Variants in DGKB observed in about 807,000 individuals in gnomAD.
DGKB encodes 90 kDa diacylglycerol kinase.
Under a neutral mutation model 114.3 loss-of-function variants are expected in DGKB, and 67 were observed. That is an observed-to-expected ratio of 0.59 (90% confidence interval 0.48 to 0.72). The LOEUF (loss-of-function observed/expected upper bound fraction) is 0.72. DGKB is among the 30% of genes least tolerant of loss of function. DGKB has a pLI of 0.00. For synonymous variants in DGKB, 398 were observed against 323.1 expected, an observed-to-expected ratio of 1.23 and a Z score of -2.49; for missense variants, 907 against 975.2, an observed-to-expected ratio of 0.93 and a Z score of 0.93.
chr7:14,609,163 AC>A (rs911183761), intron 16 of DGKB, among the ~76,000 whole-genome samples: 53 of 151,948 alleles, frequency 3.5e-4, no homozygotes, highest in Non-Finnish European at 1.3e-4. Flanking sequence ...GGCTACAGTA[AC>A]AAAAACTGCA....
chr7:14,416,694 G>A (rs1825781788), intron 21 of DGKB, among the ~76,000 whole-genome samples: 1 of 152,010 alleles, frequency 6.6e-6, no homozygotes, highest in Admixed American at 6.6e-5. Context: ...GCCACGTAAG[G>A]CCTTCCCAGC....
intron 20 of DGKB, among the ~76,000 whole-genome samples, chr7:14,488,846 A>C (rs1784205151): frequency 2.0e-5 from 2 of 99,548 alleles, no homozygotes; most frequent in African/African-American, 9.0e-5. Flanking sequence ...AAAAAACAAA[A>C]AAAAACAAAA....
chr7:14,610,676 C>G (rs1037626797), intron 16 of DGKB, among the ~76,000 whole-genome samples: 1 of 151,936 alleles, frequency 6.6e-6, no homozygotes, highest in Non-Finnish European at 1.5e-5. Context: ...GTTCTCAATA[C>G]CCTCTTTTCC....
At position 14,410,028 on chromosome 7, in the gene DGKB, G is replaced by C. The variant is rs1021869969; in HGVS notation, c.1836-64637C>G. On this transcript the variant is annotated intron_variant, in intron 21 of 25. Transcript: ENST00000402815. ...AGTTAAATTTGGGAGGGATTCAAAAGTTAAAGATAGATTTTTGACTGTGTA... is the reference window on the plus strand; with the variant it reads ...AGTTAAATTTGGGAGGGATTCAAAACTTAAAGATAGATTTTTGACTGTGTA... Among the ~76,000 whole-genome samples the C allele has an allele frequency of 3.3e-5, 5 of 151,988 alleles. No individual in the cohort carries two copies. The East Asian group carries it at 9.6e-4, about 29-fold the overall frequency.
At chr7:14,807,136 A>G (rs901111447) in intron 2 of DGKB, among the ~76,000 whole-genome samples, 7 of 151,882 alleles carry the variant, frequency 4.6e-5, no homozygotes, top group African/African-American at 1.7e-4. Flanking sequence ...GGTATTTTTC[A>G]GTTAAGTCTA....
At chr7:14,306,052 G>T (rs1804413860) in intron 23 of DGKB, among the ~76,000 whole-genome samples, 1 of 150,648 alleles carries the variant, frequency 6.6e-6, no homozygotes, top group African/African-American at 2.5e-5. Context: ...AAATCTAAGT[G>T]ATTTTTTTTC....
At chr7:14,945,870 A>T (rs1785844376) in intron 1 of DGKB, among the ~76,000 whole-genome samples, 1 of 151,642 alleles carries the variant, frequency 6.6e-6, no homozygotes, top group South Asian at 2.1e-4. Context: ...AAATTAAAAA[A>T]TTTTATTTAT....
intron 9 of DGKB, among the ~76,000 whole-genome samples, chr7:14,687,758 A>G (rs745515416): frequency 1.8e-4 from 28 of 152,170 alleles, no homozygotes; most frequent in Admixed American, 8.5e-4. Flanking sequence ...TTGTCGTTTT[A>G]TTTTTAAATG....
intron 2 of DGKB, among the ~76,000 whole-genome samples, chr7:14,835,531 T>C (rs1847032008): frequency 6.6e-6 from 1 of 152,172 alleles, no homozygotes; most frequent in Non-Finnish European, 1.5e-5. Context: ...AGGGTAATTA[T>C]CAATAAGTGG....
intron 1 of DGKB, among the ~76,000 whole-genome samples, chr7:14,931,513 A>T (rs939184011): frequency 6.6e-6 from 1 of 152,014 alleles, no homozygotes; most frequent in African/African-American, 2.4e-5. Context: ...TGGTATCTAG[A>T]TAGGGGGAGT....
chr7:14,699,702 A>G lies in DGKB; in HGVS notation c.517-1533T>C, dbSNP rs1824760181. Among the ~76,000 whole-genome samples, 4 of 152,338 alleles carry G rather than the reference A, an allele frequency of 2.6e-5. No homozygotes were observed. In the South Asian group the frequency reaches 8.3e-4, roughly 32 times the overall value. ...TCAGAAGGTACAATTTAAACCTGAC[A>G]GCGAAGGAAAAATATTGGAGTAGTA... On this transcript the variant is annotated intron_variant, in intron 7 of 25. Transcript: ENST00000402815.
chr7:14,610,732 G>T (rs1055591181), intron 16 of DGKB, among the ~76,000 whole-genome samples: 1 of 151,878 alleles, frequency 6.6e-6, no homozygotes, highest in Non-Finnish European at 1.5e-5. Context: ...CTTCCTAAAA[G>T]AAAACCTAGG....
At chr7:14,599,265 A>G (rs968135571) in intron 17 of DGKB, among the ~76,000 whole-genome samples, 1 of 152,220 alleles carries the variant, frequency 6.6e-6, no homozygotes, top group African/African-American at 2.4e-5. Context: ...ATGCTAGGAC[A>G]CCAGAAACAA....
intron 1 of DGKB, among the ~76,000 whole-genome samples, chr7:14,967,654 A>C (rs1379313295): frequency 8.4e-6 from 1 of 118,576 alleles, no homozygotes; most frequent in Non-Finnish European, 1.7e-5. Flanking sequence ...TGATTTATTA[A>C]AAAAAAAAAA....
intron 21 of DGKB, among the ~76,000 whole-genome samples, chr7:14,463,335 A>T (rs1166783322): frequency 1.3e-5 from 2 of 152,158 alleles, no homozygotes; most frequent in African/African-American, 4.8e-5. Context: ...TGGCACATGT[A>T]TACCTATGTA....
At chr7:14,819,751 C>G (rs920690260) in intron 2 of DGKB, among the ~76,000 whole-genome samples, 1 of 152,012 alleles carries the variant, frequency 6.6e-6, no homozygotes, top group Non-Finnish European at 1.5e-5. Context: ...AAATTTAAAT[C>G]TAGGCAGTTA....
intron 23 of DGKB, among the ~76,000 whole-genome samples, chr7:14,278,645 T>C (rs1482653449): frequency 6.6e-6 from 1 of 151,980 alleles, no homozygotes; most frequent in Non-Finnish European, 1.5e-5. Flanking sequence ...TGGGATTGCA[T>C]CAAACTAAAA....
chr7:14,860,742 T>G (rs1850857548), intron 1 of DGKB, among the ~76,000 whole-genome samples: 1 of 151,902 alleles, frequency 6.6e-6, no homozygotes, highest in Non-Finnish European at 1.5e-5. Flanking sequence ...AAGAACCTCC[T>G]TGGCTTGAGT....
At chr7:14,298,408 T>C (rs1802946812) in intron 23 of DGKB, among the ~76,000 whole-genome samples, 1 of 152,150 alleles carries the variant, frequency 6.6e-6, no homozygotes. Context: ...ACCACATATC[T>C]ATAACCATCT....
Sources: allele counts gnomAD v4.1 joint callset (sites outside exome capture counted in the v4.1 genomes callset), GRCh38; gene constraint gnomAD v4.1.1; transcripts MANE v1.5; gene names NCBI Gene and HGNC (gene_info 2026-07-23, HGNC 2026-07-21).